Variants in XKR6 observed in about 807,000 individuals in gnomAD.
XKR6 encodes the protein XK related 6.
In XKR6, 22 loss-of-function variants were observed where a neutral mutation model predicts 56.7. That is an observed-to-expected ratio of 0.39 (90% CI 0.28 to 0.55). The LOEUF is 0.55. Ranked by LOEUF, XKR6 falls within the 20% of genes least tolerant of loss-of-function variation. XKR6 has a pLI of 0.66. For synonymous variants in XKR6, 524 were observed against 387.8 expected (o/e 1.35, Z -4.13); for missense variants, 852 against 889.0 (o/e 0.96, Z 0.53).
At chr8:11,020,653 A>C (rs374672912) in intron 1 of XKR6, among the ~76,000 whole-genome samples, 43 of 152,200 alleles carry the variant, frequency 2.8e-4, no homozygotes, top group African/African-American at 9.4e-4. Context: ...GGTCCTCAAA[A>C]TCTCAGCCAA....
intron 1 of XKR6, among the ~76,000 whole-genome samples, chr8:10,963,968 T>C (rs1038869461): frequency 3.9e-5 from 6 of 152,234 alleles, no homozygotes; most frequent in Admixed American, 2.0e-4. Context: ...TGAGCCTTCA[T>C]TTCTAAGTCT....
At chr8:11,057,450 G>A (rs978765521) in intron 1 of XKR6, among the ~76,000 whole-genome samples, 1 of 152,360 alleles carries the variant, frequency 6.6e-6, no homozygotes, top group Non-Finnish European at 1.5e-5. Flanking sequence ...TGGACGAGAA[G>A]TGACATTTGT....
At chr8:10,941,265 GT>G (rs1284973232) in intron 1 of XKR6, among the ~76,000 whole-genome samples, 1 of 152,094 alleles carries the variant, frequency 6.6e-6, no homozygotes, top group Non-Finnish European at 1.5e-5. Context: ...CTGTCTGCAG[GT>G]TGGTTCCCTG....
chr8:11,105,481 C>T (rs1798643552), intron 1 of XKR6: 1 of 152,204 alleles, frequency 6.6e-6, no homozygotes, highest in Admixed American at 6.5e-5. Context: ...GCAGGACACA[C>T]CGACCGTCAC....
chr8:11,105,156 A>G (rs551180613), intron 1 of XKR6: 1 of 152,180 alleles, frequency 6.6e-6, no homozygotes, highest in African/African-American at 2.4e-5. Context: ...CTGAGACTGA[A>G]TATGCTAATA....
intron 1 of XKR6, among the ~76,000 whole-genome samples, chr8:11,027,510 C>A (rs149710030): frequency 1.4e-4 from 22 of 152,314 alleles, no homozygotes; most frequent in Middle Eastern, 6.8e-3. Flanking sequence ...TTCTCACCAC[C>A]ATGCTACAAA....
At chr8:10,976,408 C>T (rs979791628) in intron 1 of XKR6, among the ~76,000 whole-genome samples, 77 of 152,214 alleles carry the variant, frequency 5.1e-4, no homozygotes, top group African/African-American at 1.6e-3. Flanking sequence ...CCCAGAGACC[C>T]GGAGGCATGC....
intron 1 of XKR6, among the ~76,000 whole-genome samples, chr8:11,191,214 C>T (rs1803555341): frequency 6.6e-6 from 1 of 152,184 alleles, no homozygotes; most frequent in Non-Finnish European, 1.5e-5. Flanking sequence ...GCTATCAAAC[C>T]TTAAAGGTTA....
chr8:11,000,764 G>C (rs1396412903), intron 1 of XKR6, among the ~76,000 whole-genome samples: 1 of 152,196 alleles, frequency 6.6e-6, no homozygotes, highest in African/African-American at 2.4e-5. Flanking sequence ...CTCTCTGCTA[G>C]TTCATCTTCT....
At chr8:11,186,238 T>C (rs1803267273) in intron 1 of XKR6, among the ~76,000 whole-genome samples, 1 of 152,174 alleles carries the variant, frequency 6.6e-6, no homozygotes, top group Admixed American at 6.5e-5. Context: ...CACAGAATTC[T>C]TTGAGTCTCT....
At chr8:11,054,259 CA>C (rs1464900804) in intron 1 of XKR6, among the ~76,000 whole-genome samples, 2 of 152,182 alleles carry the variant, frequency 1.3e-5, no homozygotes, top group Admixed American at 1.3e-4. Context: ...ATCTGGGCAG[CA>C]AGTGTTGAGC....
At chr8:11,144,283 C>T (rs946800527) in intron 1 of XKR6, among the ~76,000 whole-genome samples, 2 of 139,976 alleles carry the variant, frequency 1.4e-5, no homozygotes, top group South Asian at 2.4e-4. Context: ...CAGGTCTTCT[C>T]GGCTCCCTCC....
intron 1 of XKR6, among the ~76,000 whole-genome samples, chr8:11,113,616 C>T (rs1304620464): frequency 1.3e-5 from 2 of 152,004 alleles, no homozygotes; most frequent in East Asian, 1.9e-4. Flanking sequence ...AGTCTAAAAA[C>T]CTGTAAGTCT....
intron 1 of XKR6, among the ~76,000 whole-genome samples, chr8:11,008,411 C>T (rs1236023385): frequency 6.7e-6 from 1 of 148,866 alleles, no homozygotes; most frequent in Admixed American, 6.7e-5. Flanking sequence ...AAAGGGGGCT[C>T]CCCAGGCTTT....
chr8:11,095,302 G>GT (rs1448679760), intron 1 of XKR6, among the ~76,000 whole-genome samples: 1 of 152,168 alleles, frequency 6.6e-6, no homozygotes, highest in East Asian at 1.9e-4. Context: ...ATGAATCTTG[G>GT]TTTTAAGAAT....
At chr8:11,011,960 C>T (rs1798509978) in intron 1 of XKR6, among the ~76,000 whole-genome samples, 1 of 152,208 alleles carries the variant, frequency 6.6e-6, no homozygotes, top group Admixed American at 6.5e-5. Context: ...CAGGAGGTGG[C>T]AGGGAACAAA....
chr8:10,937,588 G>A (rs1349580475), intron 1 of XKR6, among the ~76,000 whole-genome samples: 3 of 149,350 alleles, frequency 2.0e-5, no homozygotes, highest in African/African-American at 7.4e-5. Flanking sequence ...CGGTGTGGAT[G>A]TCCTTTCTGT....
chr8:10,990,929 G>GTC lies in XKR6; in HGVS notation c.765-66101_765-66100dup, dbSNP rs1291586524. On this transcript the variant is annotated intron_variant, in intron 1 of 2. Transcript: ENST00000416569. The stretch of plus-strand genomic sequence containing the variant: ...TTTTTTTTTTTTTTTTCGAGACAGA[G>GTC]TCTCACTTGGTCACCCAGGCTGGAG... 3.6e-4 allele frequency among the ~76,000 whole-genome samples: 42 copies of GTC among 115,428 alleles called. 1 individual carries two copies. The highest frequency in any genetic ancestry group is 1.5e-3 in the African/African-American group (40 of 27,540). 75.7% of individuals were successfully genotyped at this position (115,428 alleles called of 152,430 possible). A position where few individuals can be genotyped will look rare whatever the true frequency, so the allele number is the denominator to read the frequency against.
At chr8:10,927,549 G>A (rs1800927569) in intron 1 of XKR6, among the ~76,000 whole-genome samples, 1 of 152,200 alleles carries the variant, frequency 6.6e-6, no homozygotes, top group Non-Finnish European at 1.5e-5. Flanking sequence ...TATCCATCTG[G>A]GTCCCAGGTC....
Sources: allele counts gnomAD v4.1 joint callset (sites outside exome capture counted in the v4.1 genomes callset), GRCh38; gene constraint gnomAD v4.1.1; transcripts MANE v1.5; gene names NCBI Gene and HGNC (gene_info 2026-07-23, HGNC 2026-07-21).